Variants in PGM5 observed in about 807,000 individuals in gnomAD.
PGM5 encodes phosphoglucomutase 5, also known as phosphoglucomutase-like protein 5.
In PGM5, 23 loss-of-function variants were observed where a neutral mutation model predicts 59.2. The observed-to-expected ratio is 0.39, with a 90% confidence interval of 0.28 to 0.55. The LOEUF (loss-of-function observed/expected upper bound fraction) is 0.55, where lower values mean the gene tolerates loss of function less well. Ranked by LOEUF, PGM5 falls within the 20% of genes least tolerant of loss-of-function variation. PGM5 has a pLI of 0.66. For missense variants in PGM5, 574 were observed against 748.3 expected (o/e 0.77, Z 2.72); for synonymous variants, 214 against 286.0 (o/e 0.75, Z 2.54).
intron 1 of PGM5, among the ~76,000 whole-genome samples, chr9:68,359,997 A>G (rs1431248761): frequency 6.6e-6 from 1 of 152,020 alleles, no homozygotes; most frequent in Admixed American, 6.5e-5. Context: ...GGTGCATGCC[A>G]CTATGCACAG....
chr9:68,469,069 A>T (rs2132081983), intron 7 of PGM5, among the ~76,000 whole-genome samples: 1 of 152,234 alleles, frequency 6.6e-6, no homozygotes, highest in Non-Finnish European at 1.5e-5. Context: ...GGCGTGTGCC[A>T]TCACTCCCTG....
chr9:68,421,714 C>CTT (rs1554682351), intron 6 of PGM5, among the ~76,000 whole-genome samples: 6 of 152,010 alleles, frequency 3.9e-5, no homozygotes, highest in Non-Finnish European at 5.9e-5. Context: ...GAGACTCCGT[C>CTT]TCAAAAACAA....
intron 6 of PGM5, among the ~76,000 whole-genome samples, chr9:68,414,409 A>T (rs1310052447): frequency 6.6e-6 from 1 of 152,206 alleles, no homozygotes; most frequent in Non-Finnish European, 1.5e-5. Flanking sequence ...CAAATAAAAG[A>T]CAATGAAAGG....
intron 6 of PGM5, among the ~76,000 whole-genome samples, chr9:68,407,223 G>A (rs1822839438): frequency 1.3e-5 from 2 of 152,072 alleles, no homozygotes; most frequent in Non-Finnish European, 2.9e-5. Context: ...GAACTTCCAG[G>A]CTCAAGTGAT....
At chr9:68,487,025 T>G (rs1359157893) in intron 9 of PGM5, among the ~76,000 whole-genome samples, 7 of 152,182 alleles carry the variant, frequency 4.6e-5, no homozygotes, top group African/African-American at 1.7e-4. Flanking sequence ...AGAAGGAGAT[T>G]TGATTTCTAT....
intron 6 of PGM5, among the ~76,000 whole-genome samples, chr9:68,414,129 G>A (rs35064062): frequency 6.6e-6 from 1 of 152,126 alleles, no homozygotes; most frequent in Non-Finnish European, 1.5e-5. Flanking sequence ...CTCTGCACAT[G>A]CCAGCTCTCC....
chr9:68,455,144 C>A (rs1182799693), intron 6 of PGM5, among the ~76,000 whole-genome samples: 1 of 152,276 alleles, frequency 6.6e-6, no homozygotes, highest in South Asian at 2.1e-4. Flanking sequence ...GAAACAGCAA[C>A]CTGCGTCATC....
intron 9 of PGM5, among the ~76,000 whole-genome samples, chr9:68,485,455 A>G (rs1254503829): frequency 1.3e-5 from 2 of 152,154 alleles, no homozygotes; most frequent in Non-Finnish European, 2.9e-5. Context: ...GTGGTAGTGA[A>G]TAAGTCTCAT....
At chr9:68,420,039 A>G (rs562336150) in intron 6 of PGM5, among the ~76,000 whole-genome samples, 1 of 152,314 alleles carries the variant, frequency 6.6e-6, no homozygotes, top group South Asian at 2.1e-4. Context: ...TGGACCTGTC[A>G]CTGCTTGCAC....
At chr9:68,508,252 G>T (rs906695077) in intron 10 of PGM5, among the ~76,000 whole-genome samples, 1 of 152,044 alleles carries the variant, frequency 6.6e-6, no homozygotes, top group Non-Finnish European at 1.5e-5. Context: ...AGCTTATCCC[G>T]AGAACCAGTG....
chr9:68,482,380 C>T (rs1245929722), intron 8 of PGM5, among the ~76,000 whole-genome samples: 5 of 151,958 alleles, frequency 3.3e-5, no homozygotes, highest in African/African-American at 1.2e-4. Context: ...AAAGAATGTT[C>T]TGAGGGAGTT....
chr9:68,375,710 A>G (rs1290416194), intron 1 of PGM5, among the ~76,000 whole-genome samples: 1 of 152,252 alleles, frequency 6.6e-6, no homozygotes, highest in Non-Finnish European at 1.5e-5. Context: ...GAAAATGTTA[A>G]AGGCAATATA....
intron 6 of PGM5, among the ~76,000 whole-genome samples, chr9:68,435,888 TG>T (rs1181724375): frequency 2.0e-5 from 3 of 152,244 alleles, no homozygotes; most frequent in Non-Finnish European, 1.5e-5. Context: ...TCACTCTTAC[TG>T]CCACAGTACC....
rs147998275 is a variant in PGM5, at chr9:68,438,237, C to T, written c.1044-26856C>T. Among the ~76,000 whole-genome samples, 570 of 140,838 alleles carry T rather than the reference C, an allele frequency of 4.0e-3. 5 individuals are homozygous for T. Among genetic ancestry groups the T allele is most frequent in the African/African-American group, 0.014 (527 of 36,972 alleles). The allele number at this position is 140,838 out of a possible 152,430, so 92.4% of individuals were successfully genotyped here. A position where few individuals can be genotyped will look rare whatever the true frequency, so the allele number is the denominator to read the frequency against. ...CCAGGAGGCAGAGGTTGCAGTGAGC[C>T]GAGATCGCACCACTGCACTCCAGCC... On this transcript the variant is annotated intron_variant, in intron 6 of 10. Coordinates refer to ENST00000396396, the MANE Select transcript of PGM5 (RefSeq NM_021965.4).
chr9:68,429,706 T>C (rs1384851479), intron 6 of PGM5, among the ~76,000 whole-genome samples: 3 of 152,236 alleles, frequency 2.0e-5, no homozygotes, highest in African/African-American at 4.8e-5. Flanking sequence ...TTAAGAAGCA[T>C]TCCTTCTATT....
intron 6 of PGM5, among the ~76,000 whole-genome samples, chr9:68,462,555 C>T (rs1395749459): frequency 6.6e-6 from 1 of 152,146 alleles, no homozygotes; most frequent in Admixed American, 6.5e-5. Flanking sequence ...CCGCAGCTTT[C>T]AGCTTGATGA....
chr9:68,393,479 C>G (rs1554679718), intron 6 of PGM5, among the ~76,000 whole-genome samples: 1 of 152,090 alleles, frequency 6.6e-6, no homozygotes, highest in Admixed American at 6.6e-5. Context: ...GGCGTGGCGA[C>G]TCACACCTGT....
At chr9:68,387,657 G>A in intron 4 of PGM5, 69 bp downstream of exon 4, 1 of 1,448,412 alleles carries the variant, frequency 6.9e-7, no homozygotes, top group Non-Finnish European at 9.6e-7. Flanking sequence ...TTGGGTTTCA[G>A]AGGTTAAGAG....
At chr9:68,505,120 A>G (rs1202119631) in intron 10 of PGM5, among the ~76,000 whole-genome samples, 1 of 152,254 alleles carries the variant, frequency 6.6e-6, no homozygotes, top group Non-Finnish European at 1.5e-5. Context: ...AGACTGAGTC[A>G]GGAAGCAATT....
Sources: allele counts gnomAD v4.1 joint callset (sites outside exome capture counted in the v4.1 genomes callset), GRCh38; gene constraint gnomAD v4.1.1; transcripts MANE v1.5; gene names NCBI Gene and HGNC (gene_info 2026-07-23, HGNC 2026-07-21).